The following LRCH4 variants were observed in gnomAD, a reference collection of about 807,000 sequenced individuals.
LRCH4 encodes leucine-rich repeat and calponin homology domain-containing protein 4.
LRCH4 carries 56 observed loss-of-function variants against 81.2 expected under a neutral mutation model. The observed-to-expected ratio is 0.69, with a 90% CI of 0.56 to 0.86. The LOEUF is 0.86. LRCH4 is among the 40% of genes least tolerant of loss of function. The pLI, the probability that LRCH4 is intolerant of heterozygous loss-of-function variation, is 0.00. For synonymous variants in LRCH4, 442 were observed against 409.7 expected (o/e 1.08, Z -0.95); for missense variants, 895 against 922.8 (o/e 0.97, Z 0.39).
In LRCH4 at chr7:100,578,075, C is replaced by A; in HGVS notation, c.948+84G>T. The A allele has an allele frequency of 7.0e-7, 1 of 1,424,944 alleles. No individual in the cohort carries two copies. Among genetic ancestry groups the A allele is most frequent in the Non-Finnish European group, 9.9e-7 (1 of 1,014,828 alleles). 88.3% of individuals were successfully genotyped at this position (1,424,944 alleles called of 1,614,324 possible). On this transcript the variant is annotated intron_variant, in intron 7 of 17. Coordinates refer to ENST00000310300, the MANE Select transcript of LRCH4 (RefSeq NM_002319.5). This position sits in a 1 kb window ranked among gnomAD's most constrained non-coding sequence, Gnocchi z 5.7. ...GAGGACAGCTCCAGCCTCTGCCTGGCACCCTGCAATTTGGAGGTCCCCAGT... is the reference window on the plus strand; with the variant it reads ...GAGGACAGCTCCAGCCTCTGCCTGGAACCCTGCAATTTGGAGGTCCCCAGT...
rs779883380 is a variant in LRCH4, at chr7:100,577,632, C to A, written c.1116+32G>T. Reference sequence around the variant, plus strand: ...TGCCCTGTCCCCTCCTCCAGCTCCCCTCCCTTGGGAGAGGCATAGCTGGGC... The same window carrying A: ...TGCCCTGTCCCCTCCTCCAGCTCCCATCCCTTGGGAGAGGCATAGCTGGGC... On this transcript the variant is annotated intron_variant, in intron 9 of 17. Transcript: ENST00000310300. The surrounding 1 kb of genome is among the most constrained non-coding windows in gnomAD (Gnocchi z 6.7). 90 of 1,612,760 alleles carry A rather than the reference C, an allele frequency of 5.6e-5. 2 individuals carry two copies. In the South Asian group the frequency reaches 9.8e-4, roughly 18 times the overall value.
rs1562808879 is a variant in LRCH4, at chr7:100,582,008, GGGT to G, written c.492+30_492+32del. 1.3e-5 allele frequency: 21 copies of G among 1,600,504 alleles called. No homozygotes were observed. Among genetic ancestry groups the G allele is most frequent in the Non-Finnish European group, 1.6e-5 (19 of 1,173,040 alleles). On this transcript the variant is annotated intron_variant, in intron 3 of 17. Coordinates refer to ENST00000310300, the MANE Select transcript of LRCH4 (RefSeq NM_002319.5). The surrounding 1 kb of genome is among the most constrained non-coding windows in gnomAD (Gnocchi z 5.0). ...TAGAAGGTCCCGCTGCCTGGCTCAG[GGGT>G]CCCTTTCCTGGTCCCGTCCCCATCC...
Position 100,576,682 on chromosome 7 carries a change from C to T in LRCH4, c.1552+12G>A, listed in dbSNP as rs991531339. On this transcript the variant is annotated intron_variant, in intron 14 of 17. Transcript: ENST00000310300. Reference sequence around the variant, plus strand: ...AGCACTGGGTCAGCACTGGGGAGGGCAGGACACCCACCTGAGCCACTCTGA... The same window carrying T: ...AGCACTGGGTCAGCACTGGGGAGGGTAGGACACCCACCTGAGCCACTCTGA... 6.3e-7 allele frequency: 1 copy of T among 1,579,010 alleles called. No individual in the cohort carries two copies. The highest frequency in any genetic ancestry group is 8.6e-7 in the Non-Finnish European group (1 of 1,162,208).
intron 4 of LRCH4, chr7:100,580,321 C>T (rs1461022548): frequency 2.0e-5 from 3 of 151,484 alleles, no homozygotes; most frequent in East Asian, 1.9e-4. Context: ...CCTCAAGAAG[C>T]CATTAAATCC....
Position 100,577,288 on chromosome 7 carries a change from G to GC in LRCH4, c.1279dup (p.Ala427GlyfsTer6). 6.3e-7 allele frequency: 1 copy of GC among 1,597,572 alleles called. No individual in the cohort carries two copies. ...TGGGTCCCACCTATCCTTCCTCGGG[G>GC]CCCCCCACGCCCCGCTCTGCTGCTG... On this transcript the variant is annotated frameshift_variant, in exon 11 of 18. Transcript: ENST00000310300. LOFTEE classifies it high-confidence loss of function. This position sits in a 1 kb window ranked among gnomAD's most constrained non-coding sequence, Gnocchi z 6.7.
intron 1 of LRCH4, among the ~76,000 whole-genome samples, chr7:100,584,433 G>A (rs1316963805): frequency 2.0e-5 from 3 of 152,000 alleles, no homozygotes; most frequent in Admixed American, 6.6e-5. Context: ...GGGGGCCGGG[G>A]GCGGGAGCTG....
intron 1 of LRCH4, chr7:100,584,140 C>T (rs754595215): frequency 7.7e-5 from 35 of 455,762 alleles, no homozygotes; most frequent in South Asian, 4.7e-4. Flanking sequence ...CAAGGCAGTC[C>T]GGGCAGCAAG....
At position 100,575,403 on chromosome 7, in the gene LRCH4, G is replaced by T; in HGVS notation, c.1855-99C>A. 8.7e-7 allele frequency: 1 copy of T among 1,144,606 alleles called. No homozygotes were observed. Among genetic ancestry groups the T allele is most frequent in the Non-Finnish European group, 1.3e-6 (1 of 798,614 alleles). 70.9% of individuals were successfully genotyped at this position (1,144,606 alleles called of 1,614,324 possible). On this transcript the variant is annotated intron_variant, in intron 17 of 17. Transcript: ENST00000310300. This position sits in a 1 kb window ranked among gnomAD's most constrained non-coding sequence, Gnocchi z 5.3. The stretch of plus-strand genomic sequence containing the variant: ...CCCCTGCCCTCACGTGCTGGGGCCA[G>T]AACCACGCCCACATGCTGACGTGCT...
At position 100,577,464 on chromosome 7, in the gene LRCH4, G is replaced by A. The variant is rs373068157; in HGVS notation, c.1178+33C>T. The stretch of plus-strand genomic sequence containing the variant: ...GAGGCGGTTGGGGGGTGGGAGGATC[G>A]GGCAGTGGCGTCAGTTTGGGGGCTT... On this transcript the variant is annotated intron_variant, in intron 10 of 17. Transcript: ENST00000310300. This position sits in a 1 kb window ranked among gnomAD's most constrained non-coding sequence, Gnocchi z 6.7. The A allele has an allele frequency of 6.8e-5, 109 of 1,604,360 alleles. No individual in the cohort carries two copies. In the East Asian group the frequency reaches 1.7e-3, roughly 25 times the overall value.
In LRCH4 at chr7:100,582,356, T is replaced by G. The variant is rs1562809176; in HGVS notation, c.324A>C (p.Pro108=). The G allele has an allele frequency of 1.1e-5, 18 of 1,613,958 alleles. No individual in the cohort carries two copies. Among genetic ancestry groups the G allele is most frequent in the Admixed American group, 1.7e-5 (1 of 60,002 alleles). ...TGAGGGCTGTGAGATTCCCCAAGGC[T>G]GGGTTCAGGCATCTCAGGCAATTGT... ...LYHNCLRCLN[P]ALGNLTALTY... Residue 108 remains proline, a synonymous_variant, in exon 2 of 18, where the codon CCA becomes CCC. Coordinates refer to ENST00000310300, the MANE Select transcript of LRCH4 (RefSeq NM_002319.5). The surrounding 1 kb of genome is among the most constrained non-coding windows in gnomAD (Gnocchi z 5.0).
chr7:100,578,017 C>T lies in LRCH4; in HGVS notation c.949-105G>A. The T allele has an allele frequency of 2.3e-6, 3 of 1,302,618 alleles. No homozygotes were observed. The highest frequency in any genetic ancestry group is 3.3e-6 in the Non-Finnish European group (3 of 915,676). The allele number at this position is 1,302,618 out of a possible 1,614,324, so 80.7% of individuals were successfully genotyped here. ...AAGCTCAGGGTCTCTGCTGAGCCAG[C>T]CCTTCCCTGGGATGCTGGGCAGAGG... On this transcript the variant is annotated intron_variant, in intron 7 of 17. Transcript: ENST00000310300. The surrounding 1 kb of genome is among the most constrained non-coding windows in gnomAD (Gnocchi z 5.7).
chr7:100,582,113 G>T lies in LRCH4; in HGVS notation c.420C>A (p.Val140=). ...PPYICQLPLR[V]LIVSNNKLGA... is the part of the protein sequence containing the mutation. ...CCAGCTTGTTGTTGCTGACGATGAG[G>T]ACCCTCAGGGGCAGCTGGCAGATGT... Residue 140 remains valine, a synonymous_variant, in exon 3 of 18, where the codon GTC becomes GTA. Coordinates refer to ENST00000310300, the MANE Select transcript of LRCH4 (RefSeq NM_002319.5). The surrounding 1 kb of genome is among the most constrained non-coding windows in gnomAD (Gnocchi z 5.0). The T allele has an allele frequency of 6.2e-7, 1 of 1,612,630 alleles. No homozygotes were observed. The highest frequency in any genetic ancestry group is 1.1e-5 in the South Asian group (1 of 91,006).
At position 100,583,583 on chromosome 7, in the gene LRCH4, C is replaced by G. The variant is rs1240098698; in HGVS notation, c.221-1124G>C. Among the ~76,000 whole-genome samples, 2 of 152,188 alleles carry G rather than the reference C, an allele frequency of 1.3e-5. No homozygotes were observed. The highest frequency in any genetic ancestry group is 1.9e-4 in the East Asian group (1 of 5,178). On this transcript the variant is annotated intron_variant, in intron 1 of 17. Coordinates refer to ENST00000310300, the MANE Select transcript of LRCH4 (RefSeq NM_002319.5). The surrounding 1 kb of genome is among the most constrained non-coding windows in gnomAD (Gnocchi z 4.3). ...GGGTATATCCCCCAAGGAAATGAGT[C>G]TTGTGACAGGAAATGAAGTAGAAAC...
Position 100,575,140 on chromosome 7 carries a change from G to C in LRCH4, c.2019C>G (p.Leu673=). The C allele has an allele frequency of 1.9e-6, 3 of 1,613,148 alleles. No individual in the cohort carries two copies. Among genetic ancestry groups the C allele is most frequent in the Non-Finnish European group, 2.5e-6 (3 of 1,179,496 alleles). The change falls in exon 18 of 18, where the codon CTC becomes CTG. Residue 673 remains leucine (L), a synonymous_variant. Transcript: ENST00000310300. This position sits in a 1 kb window ranked among gnomAD's most constrained non-coding sequence, Gnocchi z 5.3. ...VVFYVVLMLL[L]YVTYTRLLGS ...CCAGGAGCCGAGTGTAGGTGACATA[G>C]AGCAGCAGCATGAGGACCACGTAGA...
In LRCH4 at chr7:100,582,557, C is replaced by A. The variant is rs577069563; in HGVS notation, c.221-98G>T. ...CCGGCTGCCCACTCCCTCACCTCCA[C>A]ACCTAAAGATTCAAGGCCATCAATG... On this transcript the variant is annotated intron_variant, in intron 1 of 17. Transcript: ENST00000310300. The surrounding 1 kb of genome is among the most constrained non-coding windows in gnomAD (Gnocchi z 5.0). 6.2e-5 allele frequency: 77 copies of A among 1,235,000 alleles called. No homozygotes were observed. In the African/African-American group the frequency reaches 8.6e-4, roughly 14 times the overall value. 76.5% of individuals were successfully genotyped at this position (1,235,000 alleles called of 1,614,324 possible).
chr7:100,581,362 A>G (rs1033533706), intron 4 of LRCH4, among the ~76,000 whole-genome samples: 1 of 152,232 alleles, frequency 6.6e-6, no homozygotes, highest in Non-Finnish European at 1.5e-5. Flanking sequence ...ACTTCTTCAA[A>G]GCACATACAC....
Position 100,578,890 on chromosome 7 carries a change from G to T in LRCH4, c.599-104C>A. On this transcript the variant is annotated intron_variant, in intron 4 of 17. Coordinates refer to ENST00000310300, the MANE Select transcript of LRCH4 (RefSeq NM_002319.5). This position sits in a 1 kb window ranked among gnomAD's most constrained non-coding sequence, Gnocchi z 5.7. ...CAGCTGGCCAGTCACCCTGGGCCCAGCACAGCCTCTCCCCTGGGTGGCTCA... is the reference window on the plus strand; with the variant it reads ...CAGCTGGCCAGTCACCCTGGGCCCATCACAGCCTCTCCCCTGGGTGGCTCA... 7.9e-7 allele frequency: 1 copy of T among 1,270,560 alleles called. No individual in the cohort carries two copies. The highest frequency in any genetic ancestry group is 1.1e-6 in the Non-Finnish European group (1 of 910,526). 78.7% of individuals were successfully genotyped at this position (1,270,560 alleles called of 1,614,324 possible). A position where few individuals can be genotyped will look rare whatever the true frequency, so the allele number is the denominator to read the frequency against.
rs773207360 is a variant in LRCH4, at chr7:100,575,499, G to A, written c.1855-195C>T. On this transcript the variant is annotated intron_variant, in intron 17 of 17. Coordinates refer to ENST00000310300, the MANE Select transcript of LRCH4 (RefSeq NM_002319.5). This position sits in a 1 kb window ranked among gnomAD's most constrained non-coding sequence, Gnocchi z 5.3. Reference sequence around the variant, plus strand: ...GCAGGACAGGTGACATGCAGGACAAGATGGGGCCTGCAGGGCAGGGGATGT... The same window carrying A: ...GCAGGACAGGTGACATGCAGGACAAAATGGGGCCTGCAGGGCAGGGGATGT... The A allele has an allele frequency of 6.0e-6, 5 of 831,902 alleles. No individual in the cohort carries two copies. Among genetic ancestry groups the A allele is most frequent in the Non-Finnish European group, 1.0e-5 (5 of 492,078 alleles). 51.5% of individuals were successfully genotyped at this position (831,902 alleles called of 1,614,324 possible). A position where few individuals can be genotyped will look rare whatever the true frequency, so the allele number is the denominator to read the frequency against.
rs1464447179 is a variant in LRCH4 at position 100,586,104 on chromosome 7, C to T, written c.-4G>A. ...GAGCCGCTACGGCCGCCGCCATCCG[C>T]TCCCGGCGGCTCCCGCTGCCTGACT... On this transcript the variant is annotated 5_prime_UTR_variant, in exon 1 of 18. Coordinates refer to ENST00000310300, the MANE Select transcript of LRCH4 (RefSeq NM_002319.5). 1.3e-6 allele frequency: 2 copies of T among 1,512,762 alleles called. No homozygotes were observed. The highest frequency in any genetic ancestry group is 2.5e-5 in the South Asian group (2 of 80,538). The allele number at this position is 1,512,762 out of a possible 1,614,324, so 93.7% of individuals were successfully genotyped here.
Sources: gnomAD v4.1 joint callset for allele counts (sites outside exome capture counted in the v4.1 genomes callset) on GRCh38, gnomAD v4.1.1 for gene constraint, Gnocchi (gnomAD v3.1) non-coding constraint, MANE v1.5 for transcripts, NCBI Gene and HGNC (gene_info 2026-07-23, HGNC 2026-07-21) for gene names.